AASS: variants seen among roughly 807,000 people sequenced by gnomAD.
AASS encodes alpha-aminoadipic semialdehyde synthase, mitochondrial.
AASS carries 86 observed loss-of-function variants against 105.4 expected under a neutral mutation model. The observed-to-expected ratio is 0.82, with a 90% confidence interval of 0.69 to 0.98. AASS has a LOEUF of 0.98. AASS is among the 50% of genes least tolerant of loss of function. AASS has a pLI of 0.00. For missense variants in AASS, 1,048 were observed against 1,143.2 expected, an observed-to-expected ratio of 0.92 and a Z score of 1.20; for synonymous variants, 381 against 394.8, an observed-to-expected ratio of 0.96 and a Z score of 0.41.
intron 19 of AASS, chr7:122,082,821 T>A: frequency 7.8e-7 from 1 of 1,289,082 alleles, no homozygotes; most frequent in African/African-American, 1.5e-5. Context: ...GGGGAAGGAG[T>A]TAGGGAGGAT....
chr7:122,092,769 A>G (rs567957088), intron 17 of AASS, 74 bp downstream of exon 17: 4 of 1,243,890 alleles, frequency 3.2e-6, no homozygotes, highest in Non-Finnish European at 4.7e-6. Context: ...TTGCTATATT[A>G]TAACTCATAC....
intron 11 of AASS, among the ~76,000 whole-genome samples, chr7:122,109,879 C>T (rs1160941278): frequency 6.6e-6 from 1 of 151,824 alleles, no homozygotes; most frequent in Non-Finnish European, 1.5e-5. Flanking sequence ...GAAGAAACAA[C>T]AGAATGGGAA....
chr7:122,139,371 C>T (rs1796286038), intron 1 of AASS, among the ~76,000 whole-genome samples: 1 of 152,072 alleles, frequency 6.6e-6, no homozygotes, highest in South Asian at 2.1e-4. Flanking sequence ...TGGTGCTGAT[C>T]AATATCTGAT....
Position 122,116,485 on chromosome 7 carries a change from AT to A in AASS, c.894+147del, listed in dbSNP as rs574414986. ...ACTACTCCAAATACCATAAAAGATG[AT>A]AGCTCCAAAGGCCAAATCATGATAC... On this transcript the variant is annotated intron_variant, in intron 8 of 23. Coordinates refer to ENST00000417368, the MANE Select transcript of AASS (RefSeq NM_005763.4). 2,465 of 948,422 alleles carry A rather than the reference AT, an allele frequency of 2.6e-3. 5 individuals are homozygous for A. The highest frequency in any genetic ancestry group is 3.5e-3 in the Non-Finnish European group (2,152 of 616,186). 58.8% of individuals were successfully genotyped at this position (948,422 alleles called of 1,614,324 possible).
intron 15 of AASS, among the ~76,000 whole-genome samples, chr7:122,097,675 T>C (rs1222774402): frequency 6.6e-6 from 1 of 152,066 alleles, no homozygotes; most frequent in African/African-American, 2.4e-5. Context: ...TAATACTCTA[T>C]TTCAGGATCT....
At position 122,081,431 on chromosome 7, in the gene AASS, T is replaced by C. The variant is rs983172221; in HGVS notation, c.2280+69A>G. ...GATCTTTTGCAGATCCAAAGCAGAG[T>C]TCACCCCCGACCATTTCAGAAGGTA... On this transcript the variant is annotated intron_variant, in intron 20 of 23. Transcript: ENST00000417368. The C allele has an allele frequency of 2.5e-5, 31 of 1,221,406 alleles. No homozygotes were observed. In the South Asian group the frequency reaches 2.6e-4, roughly 10 times the overall value. 75.7% of individuals were successfully genotyped at this position (1,221,406 alleles called of 1,614,324 possible).
intron 4 of AASS, among the ~76,000 whole-genome samples, chr7:122,124,926 G>C (rs1186540569): frequency 2.0e-5 from 3 of 152,110 alleles, no homozygotes; most frequent in African/African-American, 4.8e-5. Flanking sequence ...CAATGAATTT[G>C]TTTGTTTCTT....
intron 8 of AASS, among the ~76,000 whole-genome samples, chr7:122,116,186 T>C (rs1472550767): frequency 2.0e-5 from 3 of 152,130 alleles, no homozygotes; most frequent in South Asian, 2.1e-4. Context: ...TCTGCACTTA[T>C]ATAGGAACGC....
intron 11 of AASS, among the ~76,000 whole-genome samples, chr7:122,106,998 C>G (rs1276374235): frequency 6.6e-6 from 1 of 151,888 alleles, no homozygotes; most frequent in Admixed American, 6.6e-5. Context: ...ATGCATCTGA[C>G]AAAAGTCTAA....
At chr7:122,121,438 AG>A (rs1432669132) in intron 4 of AASS, among the ~76,000 whole-genome samples, 2 of 152,162 alleles carry the variant, frequency 1.3e-5, no homozygotes, top group African/African-American at 4.8e-5. Flanking sequence ...TTTGTCACCC[AG>A]GCTGGAGTGT....
intron 4 of AASS, among the ~76,000 whole-genome samples, chr7:122,118,904 G>A (rs182339374): frequency 6.6e-6 from 1 of 152,104 alleles, no homozygotes; most frequent in Admixed American, 6.5e-5. Context: ...CTCCACCTTG[G>A]CTCCGGATCC....
chr7:122,125,772 T>C (rs1292496810), intron 4 of AASS, among the ~76,000 whole-genome samples: 1 of 124,460 alleles, frequency 8.0e-6, no homozygotes, highest in Non-Finnish European at 1.6e-5. Flanking sequence ...TCTGAATAAA[T>C]TTTGCTCCTA....
At chr7:122,106,331 AAAGCAATTT>A (rs1392932721) in intron 11 of AASS, among the ~76,000 whole-genome samples, 1 of 152,102 alleles carries the variant, frequency 6.6e-6, no homozygotes, top group African/African-American at 2.4e-5. Context: ...CATACTGCCC[AAAGCAATTT>A]ATAGATTCAA....
At chr7:122,086,531 T>C (rs959334370) in intron 18 of AASS, among the ~76,000 whole-genome samples, 2 of 151,368 alleles carry the variant, frequency 1.3e-5, no homozygotes, top group African/African-American at 4.8e-5. Context: ...AAAATAAACA[T>C]TTTAATTTTT....
chr7:122,107,926 T>C (rs1236931623), intron 11 of AASS, among the ~76,000 whole-genome samples: 1 of 136,768 alleles, frequency 7.3e-6, no homozygotes, highest in Non-Finnish European at 1.5e-5. Flanking sequence ...TGCAACATTA[T>C]TGCATAACAA....
At chr7:122,136,584 A>G (rs1228152997) in intron 1 of AASS, among the ~76,000 whole-genome samples, 1 of 152,216 alleles carries the variant, frequency 6.6e-6, no homozygotes, top group African/African-American at 2.4e-5. Flanking sequence ...CTCGAAGCCA[A>G]AAGAAAAACT....
intron 15 of AASS, among the ~76,000 whole-genome samples, chr7:122,094,709 GA>G (rs1794062634): frequency 6.6e-6 from 1 of 152,140 alleles, no homozygotes; most frequent in South Asian, 2.1e-4. Context: ...CAAAATTGTT[GA>G]AAACCCAATC....
rs917738316 is a variant in AASS, at chr7:122,073,973, C to G, written c.*2516G>C. Reference sequence around the variant, plus strand: ...GGATATGCCACGTTTTGTTTATTCACTTGTTAGTTGATAGAAATTAGGGCT... The same window carrying G: ...GGATATGCCACGTTTTGTTTATTCAGTTGTTAGTTGATAGAAATTAGGGCT... On this transcript the variant is annotated 3_prime_UTR_variant, in exon 24 of 24. Transcript: ENST00000417368. Among the ~76,000 whole-genome samples, 8 of 151,928 alleles carry G rather than the reference C, an allele frequency of 5.3e-5. No homozygotes were observed. The highest frequency in any genetic ancestry group is 1.9e-4 in the African/African-American group (8 of 41,278).
chr7:122,085,623 C>A (rs886480593), intron 19 of AASS, among the ~76,000 whole-genome samples: 1 of 151,998 alleles, frequency 6.6e-6, no homozygotes, highest in African/African-American at 2.4e-5. Context: ...GCTATTAGAA[C>A]GGTATCATTT....
Sources: gnomAD v4.1 joint callset for allele counts (sites outside exome capture counted in the v4.1 genomes callset) on GRCh38, gnomAD v4.1.1 for gene constraint, MANE v1.5 for transcripts, NCBI Gene and HGNC (gene_info 2026-07-23, HGNC 2026-07-21) for gene names.